The following ARL14EPL variants were observed in gnomAD, a reference collection of about 807,000 sequenced individuals.
ARL14EPL encodes the protein ARL14 effector protein-like.
Under a neutral mutation model 15.9 loss-of-function variants are expected in ARL14EPL, and 17 were observed. That is an observed-to-expected ratio of 1.07 (90% confidence interval 0.73 to 1.60). ARL14EPL has a LOEUF of 1.60. Among genes scored for constraint, ARL14EPL ranks in the 40% most tolerant of loss-of-function variants. ARL14EPL has a pLI of 0.00. For missense variants in ARL14EPL, 214 were observed against 185.9 expected (o/e 1.15, Z -0.88); for synonymous variants, 78 against 63.8 (o/e 1.22, Z -1.06).
intron 1 of ARL14EPL, among the ~76,000 whole-genome samples, chr5:116,038,083 G>T (rs566671100): frequency 7.2e-5 from 11 of 152,196 alleles, no homozygotes; most frequent in African/African-American, 2.6e-4. Context: ...GGCGGAGTGG[G>T]TTAGAACCTG....
rs550692187 is a variant in ARL14EPL, at chr5:116,057,514, C to T, written c.237-1211C>T. On this transcript the variant is annotated intron_variant, in intron 3 of 3. Coordinates refer to ENST00000686077, the MANE Select transcript of ARL14EPL (RefSeq NM_001195581.2). ...AGGCAAAGGGAGGACAGAATCTGAC[C>T]TGTGGTATAGGTTGATTTCAGGACC... Among the ~76,000 whole-genome samples the T allele has an allele frequency of 2.0e-5, 3 of 152,040 alleles. No homozygotes were observed. The South Asian group carries it at 6.2e-4, about 32-fold the overall frequency.
Position 116,058,941 on chromosome 5 carries a change from T to C in ARL14EPL, c.453T>C (p.Pro151=), listed in dbSNP as rs1352325599. The C allele has an allele frequency of 2.0e-6, 3 of 1,535,866 alleles. No individual in the cohort carries two copies. Among genetic ancestry groups the C allele is most frequent in the African/African-American group, 1.4e-5 (1 of 73,048 alleles). The change falls in exon 4 of 4, where the codon CCT becomes CCC. Residue 151 remains proline, a synonymous_variant. Coordinates refer to ENST00000686077, the MANE Select transcript of ARL14EPL (RefSeq NM_001195581.2). Reference sequence around the variant, plus strand: ...TCAGCACGCTGCCGTTTAATGTTCCTGACTAGGTGCTCTTGTATATGGACT... The same window carrying C: ...TCAGCACGCTGCCGTTTAATGTTCCCGACTAGGTGCTCTTGTATATGGACT... ...EVISTLPFNV[P]D
chr5:116,054,248 T>G, intron 3 of ARL14EPL, 95 bp downstream of exon 3: 1 of 1,301,328 alleles, frequency 7.7e-7, no homozygotes, highest in Non-Finnish European at 1.0e-6. Context: ...TTTTATTATT[T>G]ATTATTTAAA....
intron 1 of ARL14EPL, among the ~76,000 whole-genome samples, chr5:116,041,199 T>G (rs1029940196): frequency 6.6e-6 from 1 of 152,150 alleles, no homozygotes; most frequent in African/African-American, 2.4e-5. Context: ...ACAATTTATT[T>G]TAGGGTTAGT....
intron 3 of ARL14EPL, 33 bp from the exon 4 acceptor site, chr5:116,058,692 C>T (rs1353715743): frequency 1.3e-6 from 2 of 1,519,842 alleles, no homozygotes; most frequent in Admixed American, 2.0e-5. Flanking sequence ...GATGATTGCA[C>T]TGTCATCTTA....
rs1312561881 is a variant in ARL14EPL, at chr5:116,051,545, T to C, written c.80T>C (p.Ile27Thr). Residue 27 changes from isoleucine to threonine, a missense_variant, in exon 2 of 4, where the codon ATT becomes ACT. Coordinates refer to ENST00000686077, the MANE Select transcript of ARL14EPL (RefSeq NM_001195581.2). ...AGTTTTCCTGAGAAGAACTGTCAAA[T>C]TGGACAGAAACAACTGGTATGGCAC... ...DHSFPEKNCQIGQKQLQQIER... is the reference protein window; with the variant it reads ...DHSFPEKNCQTGQKQLQQIER... The C allele has an allele frequency of 2.6e-6, 4 of 1,533,690 alleles. No individual in the cohort carries two copies. The highest frequency in any genetic ancestry group is 2.0e-5 in the Admixed American group (1 of 50,960).
At chr5:116,048,298 G>C (rs1209020924) in intron 1 of ARL14EPL, among the ~76,000 whole-genome samples, 1 of 152,132 alleles carries the variant, frequency 6.6e-6, no homozygotes, top group Middle Eastern at 3.2e-3. Flanking sequence ...TAGCCTGCTT[G>C]AAGATGAGCA....
At chr5:116,054,868 TAAAC>T (rs1225648191) in intron 3 of ARL14EPL, among the ~76,000 whole-genome samples, 1 of 150,690 alleles carries the variant, frequency 6.6e-6, no homozygotes, top group Non-Finnish European at 1.5e-5. Flanking sequence ...TAAAAAATAA[TAAAC>T]TAAGAAAACT....
chr5:116,045,146 A>T (rs1283062865), intron 1 of ARL14EPL, among the ~76,000 whole-genome samples: 1 of 152,180 alleles, frequency 6.6e-6, no homozygotes, highest in Non-Finnish European at 1.5e-5. Context: ...TTCTGAATAT[A>T]TATTGCTATA....
At chr5:116,037,544 C>CATGTGA (rs3072925) in intron 1 of ARL14EPL, among the ~76,000 whole-genome samples, 7,523 of 152,248 alleles carry the variant, frequency 0.049, 537 homozygotes, top group African/African-American at 0.16. Flanking sequence ...ACATGCCCTT[C>CATGTGA]ACATGGCATT....
At chr5:116,047,038 C>T (rs1161438467) in intron 1 of ARL14EPL, among the ~76,000 whole-genome samples, 1 of 152,182 alleles carries the variant, frequency 6.6e-6, no homozygotes, top group Non-Finnish European at 1.5e-5. Context: ...AGAGCCTGAC[C>T]AAAAGCTGAC....
chr5:116,036,441 G>T (rs1749051584), intron 1 of ARL14EPL, among the ~76,000 whole-genome samples: 1 of 152,080 alleles, frequency 6.6e-6, no homozygotes, highest in African/African-American at 2.4e-5. Flanking sequence ...ATAATTATAA[G>T]AATAGTTAAA....
At chr5:116,041,358 G>C (rs1393212389) in intron 1 of ARL14EPL, among the ~76,000 whole-genome samples, 1 of 152,022 alleles carries the variant, frequency 6.6e-6, no homozygotes, top group Non-Finnish European at 1.5e-5. Context: ...GGCATATAAG[G>C]CATGCCAGTT....
chr5:116,052,294 C>T (rs578090870), intron 2 of ARL14EPL: 8 of 1,357,768 alleles, frequency 5.9e-6, no homozygotes, highest in Non-Finnish European at 8.4e-6. Flanking sequence ...TTGCGAAGCT[C>T]GGAGAGTAGC....
chr5:116,054,953 A>C (rs965602328), intron 3 of ARL14EPL, among the ~76,000 whole-genome samples: 3 of 152,088 alleles, frequency 2.0e-5, no homozygotes, highest in Non-Finnish European at 4.4e-5. Context: ...AAAACAGTGA[A>C]AGACACACCA....
intron 3 of ARL14EPL, among the ~76,000 whole-genome samples, chr5:116,057,913 TG>T (rs779591370): frequency 5.9e-4 from 90 of 152,344 alleles, no homozygotes; most frequent in Non-Finnish European, 1.0e-3. Context: ...GAGGTATTTT[TG>T]TTGTTCTCAG....
chr5:116,040,046 T>G (rs1265618527), intron 1 of ARL14EPL, among the ~76,000 whole-genome samples: 1 of 152,178 alleles, frequency 6.6e-6, no homozygotes, highest in African/African-American at 2.4e-5. Flanking sequence ...GACTATTAAG[T>G]TGCTGCCAAA....
intron 1 of ARL14EPL, 102 bp from the exon 2 acceptor site, chr5:116,051,355 A>T: frequency 1.3e-6 from 1 of 750,476 alleles, no homozygotes; most frequent in Non-Finnish European, 2.1e-6. Flanking sequence ...TCTGGTTTTG[A>T]ATAAAGTGAG....
chr5:116,032,860 C>T (rs551692948), intron 1 of ARL14EPL, among the ~76,000 whole-genome samples: 78 of 152,220 alleles, frequency 5.1e-4, no homozygotes, highest in Non-Finnish European at 1.1e-3. Flanking sequence ...TGCAGTGCTG[C>T]CATCTCCGCT....
Sources: allele counts gnomAD v4.1 joint callset (sites outside exome capture counted in the v4.1 genomes callset), GRCh38; gene constraint gnomAD v4.1.1; transcripts MANE v1.5; gene names NCBI Gene and HGNC (gene_info 2026-07-23, HGNC 2026-07-21).